Variants in PTH1R observed in about 807,000 individuals in gnomAD.
The protein encoded by PTH1R is parathyroid hormone/parathyroid hormone-related peptide receptor.
Under a neutral mutation model 70.7 loss-of-function variants are expected in PTH1R, and 32 were observed. The ratio of observed to expected loss-of-function variants is 0.45; its 90% CI spans 0.34 to 0.61. The LOEUF (loss-of-function observed/expected upper bound fraction) is 0.61, where lower values mean the gene tolerates loss of function less well. Among genes scored for constraint, PTH1R ranks in the 20% least tolerant of loss-of-function variants. The pLI, the probability that PTH1R is intolerant of heterozygous loss-of-function variation, is 0.01. For synonymous variants in PTH1R, 329 were observed against 324.8 expected, an observed-to-expected ratio of 1.01 and a Z score of -0.14; for missense variants, 626 against 792.5, an observed-to-expected ratio of 0.79 and a Z score of 2.52.
At chr3:46,888,611 C>G (rs2031187490) in intron 3 of PTH1R, among the ~76,000 whole-genome samples, 1 of 152,182 alleles carries the variant, frequency 6.6e-6, no homozygotes. Context: ...AACTTTTGCT[C>G]AGGTTTGCAG....
In PTH1R at chr3:46,882,160, C is replaced by T. The variant is rs1392927338; in HGVS notation, c.-49+1042C>T. On this transcript the variant is annotated intron_variant, in intron 2 of 15. Transcript: ENST00000449590. This position sits in a 1 kb window ranked among gnomAD's most constrained non-coding sequence, Gnocchi z 4.3. ...GAAGGCTCCTCTCGGCCTCTCCACA[C>T]TCCCGCGTCGGCGGCTGCGGAGGGG... The T allele has an allele frequency of 6.6e-6, 1 of 151,132 alleles. No individual in the cohort carries two copies. Among genetic ancestry groups the T allele is most frequent in the African/African-American group, 2.4e-5 (1 of 41,152 alleles). The allele number at this position is 151,132 out of a possible 1,614,324, so 9.4% of individuals were successfully genotyped here.
chr3:46,900,306 A>C (rs1448761928), intron 10 of PTH1R, among the ~76,000 whole-genome samples: 1 of 152,184 alleles, frequency 6.6e-6, no homozygotes. Context: ...TGGACTGGCG[A>C]CATGCAGATT....
intron 2 of PTH1R, among the ~76,000 whole-genome samples, chr3:46,881,729 A>T (rs946538600): frequency 4.0e-5 from 6 of 151,120 alleles, no homozygotes; most frequent in Non-Finnish European, 8.9e-5. Flanking sequence ...GTGGGGCTGG[A>T]CGTGGGGGAG....
intron 10 of PTH1R, 65 bp downstream of exon 10, chr3:46,899,521 C>A: frequency 6.4e-7 from 1 of 1,569,712 alleles, no homozygotes; most frequent in South Asian, 1.2e-5. Context: ...AGGGAGAGGG[C>A]AGCCCCTGGG....
intron 3 of PTH1R, among the ~76,000 whole-genome samples, chr3:46,888,564 T>C (rs1044927653): frequency 6.6e-6 from 1 of 152,118 alleles, no homozygotes; most frequent in African/African-American, 2.4e-5. Context: ...CCTCTGAAAT[T>C]GTCTGCAAAA....
intron 1 of PTH1R, among the ~76,000 whole-genome samples, chr3:46,878,992 G>A (rs2030395256): frequency 6.6e-6 from 1 of 152,218 alleles, no homozygotes; most frequent in African/African-American, 2.4e-5. Flanking sequence ...CCTGGGGCGT[G>A]CTTGTCAAAA....
chr3:46,898,566 G>A lies in PTH1R; in HGVS notation c.638+94G>A, dbSNP rs1382958342. ...CCCCCTCCCTGCACCCATCACCCCC[G>A]GCGGGTGTCCCTACCTACGGCGCAC... On this transcript the variant is annotated intron_variant, in intron 8 of 15. Coordinates refer to ENST00000449590, the MANE Select transcript of PTH1R (RefSeq NM_000316.3). The A allele has an allele frequency of 3.8e-6, 6 of 1,598,312 alleles. No individual in the cohort carries two copies. In the Admixed American group the frequency reaches 5.1e-5, roughly 13 times the overall value.
chr3:46,903,168 C>G lies in PTH1R; in HGVS notation c.1396-102C>G. On this transcript the variant is annotated intron_variant, in intron 15 of 15. Transcript: ENST00000449590. The surrounding 1 kb of genome is among the most constrained non-coding windows in gnomAD (Gnocchi z 4.4). ...TTGGCCTTGGAGTTTCCCAGGAGTCCCCTATTCCCATTTTCATTCCGTGCT... is the reference window on the plus strand; with the variant it reads ...TTGGCCTTGGAGTTTCCCAGGAGTCGCCTATTCCCATTTTCATTCCGTGCT... 1.3e-6 allele frequency: 2 copies of G among 1,554,370 alleles called. No individual in the cohort carries two copies. The highest frequency in any genetic ancestry group is 1.7e-6 in the Non-Finnish European group (2 of 1,150,074).
chr3:46,899,381 T>C lies in PTH1R; in HGVS notation c.913T>C (p.Tyr305His). ...NYYWILVEGL[Y>H]LHSLIFMAFF... ...CTACTGGATTCTGGTGGAGGGGCTG[T>C]ACCTGCACAGCCTCATCTTCATGGC... is the stretch of plus-strand genomic sequence containing the variant. Residue 305 changes from tyrosine (Y) to histidine (H), a missense_variant, in exon 10 of 16, where the codon TAC becomes CAC. Tyr to His is a moderately conservative substitution (Grantham distance 83). Coordinates refer to ENST00000449590, the MANE Select transcript of PTH1R (RefSeq NM_000316.3). The C allele has an allele frequency of 6.2e-7, 1 of 1,613,968 alleles. No individual in the cohort carries two copies. Among genetic ancestry groups the C allele is most frequent in the Non-Finnish European group, 8.5e-7 (1 of 1,180,020 alleles).
At position 46,898,850 on chromosome 3, in the gene PTH1R, C is replaced by A; in HGVS notation, c.827C>A (p.Ala276Asp). The stretch of plus-strand genomic sequence containing the variant: ...CCCCCGCCGCCTGCCACCGCCGCTG[C>A]CGGCTACGTGAGTACCCCTCTGCCC... Reference protein sequence around the residue: ...QAPPPPATAAAGYAGCRVAVT... With the variant: ...QAPPPPATAADGYAGCRVAVT... Residue 276 changes from alanine (A) to aspartate (D), a missense_variant, in exon 9 of 16, where the codon GCC becomes GAC. Physicochemically the swap from Ala to Asp is moderately radical, Grantham distance 126. Transcript: ENST00000449590. The A allele has an allele frequency of 6.5e-7, 1 of 1,543,788 alleles. No homozygotes were observed. The highest frequency in any genetic ancestry group is 8.7e-7 in the Non-Finnish European group (1 of 1,150,292).
chr3:46,897,161 A>T (rs1178072816), intron 5 of PTH1R, among the ~76,000 whole-genome samples: 1 of 152,178 alleles, frequency 6.6e-6, no homozygotes, highest in African/African-American at 2.4e-5. Context: ...AGACACCTGG[A>T]AGGTGGTTCC....
At position 46,892,715 on chromosome 3, in the gene PTH1R, G is replaced by A; in HGVS notation, c.76-1192G>A. On this transcript the variant is annotated intron_variant, in intron 3 of 15. Coordinates refer to ENST00000449590, the MANE Select transcript of PTH1R (RefSeq NM_000316.3). The surrounding 1 kb of genome is among the most constrained non-coding windows in gnomAD (Gnocchi z 5.2). ...TCCCCTGCCTCCTCTGGGTCCTCCC[G>A]CCCTTCACAGCCATGCTCGGACTGC... is the stretch of plus-strand genomic sequence containing the variant. 2 of 984,754 alleles carry A rather than the reference G, an allele frequency of 2.0e-6. No homozygotes were observed. Among genetic ancestry groups the A allele is most frequent in the African/African-American group, 1.8e-5 (1 of 57,118 alleles). The allele number at this position is 984,754 out of a possible 1,614,324, so 61.0% of individuals were successfully genotyped here. A position where few individuals can be genotyped will look rare whatever the true frequency, so the allele number is the denominator to read the frequency against.
At position 46,896,990 on chromosome 3, in the gene PTH1R, TAGAA is replaced by T. The variant is rs1474926879; in HGVS notation, c.314-861_314-858del. 2.0e-5 allele frequency among the ~76,000 whole-genome samples: 3 copies of T among 152,052 alleles called. No homozygotes were observed. Among genetic ancestry groups the T allele is most frequent in the Non-Finnish European group, 4.4e-5 (3 of 67,994 alleles). ...CAACTTCCCAATGAGGAAATGGAAATAGAAAGACTTGGGACACCTGCGTGAGGTC... is the reference window on the plus strand; with the variant it reads ...CAACTTCCCAATGAGGAAATGGAAATAGACTTGGGACACCTGCGTGAGGTC... On this transcript the variant is annotated intron_variant, in intron 5 of 15. Coordinates refer to ENST00000449590, the MANE Select transcript of PTH1R (RefSeq NM_000316.3). The surrounding 1 kb of genome is among the most constrained non-coding windows in gnomAD (Gnocchi z 4.1).
intron 3 of PTH1R, among the ~76,000 whole-genome samples, chr3:46,885,854 C>T (rs972609824): frequency 2.0e-5 from 3 of 152,222 alleles, no homozygotes; most frequent in Non-Finnish European, 4.4e-5. Flanking sequence ...CCCTTTAGAT[C>T]TGCACCTATG....
rs746614311 is a variant in PTH1R, at chr3:46,899,380, G to T, written c.912G>T (p.Leu304=). Residue 304 remains leucine (L), a synonymous_variant, in exon 10 of 16, where the codon CTG becomes CTT. Coordinates refer to ENST00000449590, the MANE Select transcript of PTH1R (RefSeq NM_000316.3). ...TNYYWILVEG[L]YLHSLIFMAF... is the part of the protein sequence containing the mutation. ...ACTACTGGATTCTGGTGGAGGGGCT[G>T]TACCTGCACAGCCTCATCTTCATGG... The T allele has an allele frequency of 6.2e-7, 1 of 1,613,984 alleles. No homozygotes were observed. The highest frequency in any genetic ancestry group is 1.1e-5 in the South Asian group (1 of 91,066).
Position 46,901,887 on chromosome 3 carries a change from TGGCTCCTCAGG to T in PTH1R, c.1211+30_1211+40del. The T allele has an allele frequency of 1.9e-6, 3 of 1,592,870 alleles. No homozygotes were observed. Among genetic ancestry groups the T allele is most frequent in the Non-Finnish European group, 1.7e-6 (2 of 1,160,976 alleles). On this transcript the variant is annotated intron_variant, in intron 13 of 15. Transcript: ENST00000449590. The surrounding 1 kb of genome is among the most constrained non-coding windows in gnomAD (Gnocchi z 7.3). ...TGAGCCCACCATGCCTGCCATGCCC[TGGCTCCTCAGG>T]GGTCCCTGAGTCCTGGTACCATGTA...
chr3:46,884,517 G>T lies in PTH1R; in HGVS notation c.75+883G>T, dbSNP rs2030891268. ...GGTCTGGGGCCCACTTGCTGGGAAGGGGGCTGTCCCAGCCCCTCAGTCCTA... is the reference window on the plus strand; with the variant it reads ...GGTCTGGGGCCCACTTGCTGGGAAGTGGGCTGTCCCAGCCCCTCAGTCCTA... On this transcript the variant is annotated intron_variant, in intron 3 of 15. Transcript: ENST00000449590. This position sits in a 1 kb window ranked among gnomAD's most constrained non-coding sequence, Gnocchi z 4.8. Among the ~76,000 whole-genome samples, 1 of 152,160 alleles carries T rather than the reference G, an allele frequency of 6.6e-6. No individual in the cohort carries two copies. The highest frequency in any genetic ancestry group is 6.5e-5 in the Admixed American group (1 of 15,286).
intron 3 of PTH1R, among the ~76,000 whole-genome samples, chr3:46,888,631 A>G (rs1398345960): frequency 6.6e-6 from 1 of 152,240 alleles, no homozygotes; most frequent in Non-Finnish European, 1.5e-5. Flanking sequence ...GAAACATCAG[A>G]GACCTTCAAA....
Position 46,879,601 on chromosome 3 carries a change from C to G in PTH1R, c.-105-1461C>G, listed in dbSNP as rs1395444354. ...CTACAAAAAAAAAATTTTTTAATTA[C>G]CCAGGTGTGGTAGCTCATGCCTGTG... is the stretch of plus-strand genomic sequence containing the variant. On this transcript the variant is annotated intron_variant, in intron 1 of 15. Transcript: ENST00000449590. This position sits in a 1 kb window ranked among gnomAD's most constrained non-coding sequence, Gnocchi z 4.7. 6.6e-6 allele frequency among the ~76,000 whole-genome samples: 1 copy of G among 152,002 alleles called. No individual in the cohort carries two copies. The highest frequency in any genetic ancestry group is 1.5e-5 in the Non-Finnish European group (1 of 68,014).
Sources: gnomAD v4.1 joint callset for allele counts (sites outside exome capture counted in the v4.1 genomes callset) on GRCh38, gnomAD v4.1.1 for gene constraint, Gnocchi (gnomAD v3.1) non-coding constraint, MANE v1.5 for transcripts, NCBI Gene and HGNC (gene_info 2026-07-23, HGNC 2026-07-21) for gene names.